Variants in DDI2 observed in about 807,000 individuals in gnomAD.
The protein encoded by DDI2 is DDI proteasomal shuttling factor 2.
DDI2 carries 5 observed loss-of-function variants against 48.1 expected under a neutral mutation model. The ratio of observed to expected loss-of-function variants is 0.10; its 90% CI spans 0.05 to 0.22. DDI2 has a LOEUF of 0.22. DDI2 is among the 10% of genes least tolerant of loss of function. The probability of loss-of-function intolerance (pLI) is 1.00; values close to 1 mark genes in which losing one functional copy is unlikely to be tolerated. For synonymous variants in DDI2, 205 were observed against 183.6 expected (o/e 1.12, Z -0.94); for missense variants, 285 against 506.2 (o/e 0.56, Z 4.19).
intron 1 of DDI2, among the ~76,000 whole-genome samples, chr1:15,622,088 A>G (rs1639675047): frequency 6.6e-6 from 1 of 151,676 alleles, no homozygotes; most frequent in Non-Finnish European, 1.5e-5. Flanking sequence ...TATTCTTTAT[A>G]TTTTAGAGAT....
intron 6 of DDI2, among the ~76,000 whole-genome samples, chr1:15,645,485 A>C (rs72647134): frequency 8.5e-4 from 130 of 152,058 alleles, no homozygotes; most frequent in African/African-American, 2.9e-3. Flanking sequence ...TTGTCTTCCA[A>C]CCTTTGTGTT....
At chr1:15,657,325 T>C (rs1396743558) in intron 9 of DDI2, among the ~76,000 whole-genome samples, 2 of 152,258 alleles carry the variant, frequency 1.3e-5, no homozygotes, top group Non-Finnish European at 2.9e-5. Context: ...GATGGTCTTT[T>C]AAACCAGCAT....
At chr1:15,655,112 A>G (rs1438391243) in intron 8 of DDI2, among the ~76,000 whole-genome samples, 3 of 152,188 alleles carry the variant, frequency 2.0e-5, no homozygotes, top group East Asian at 3.9e-4. Flanking sequence ...TTCCAGGCTT[A>G]GTGAAGGGGA....
Position 15,661,642 on chromosome 1 carries a change from G to A in DDI2, c.*1852G>A. ...TGGCTTTACTTTGCAGGAAGCTCTT[G>A]GAGCTTTGCATCGAGTTGGTGGGAA... On this transcript the variant is annotated 3_prime_UTR_variant, in exon 10 of 10. Coordinates refer to ENST00000480945, the MANE Select transcript of DDI2 (RefSeq NM_032341.5). 6.2e-7 allele frequency: 1 copy of A among 1,614,108 alleles called. No individual in the cohort carries two copies. Among genetic ancestry groups the A allele is most frequent in the Non-Finnish European group, 8.5e-7 (1 of 1,180,038 alleles).
At chr1:15,657,524 C>CGTTTA (rs763309507) in intron 9 of DDI2, among the ~76,000 whole-genome samples, 1 of 152,296 alleles carries the variant, frequency 6.6e-6, no homozygotes, top group Non-Finnish European at 1.5e-5. Context: ...TCCTCCCCTA[C>CGTTTA]GTTTAGGACT....
intron 8 of DDI2, 117 bp downstream of exon 8, chr1:15,652,012 T>A: frequency 2.1e-6 from 2 of 964,972 alleles, no homozygotes; most frequent in Non-Finnish European, 2.8e-6. Flanking sequence ...GGTCCAGTAG[T>A]AGATGTGTTC....
chr1:15,620,075 A>G (rs1182253335), intron 1 of DDI2, among the ~76,000 whole-genome samples: 1 of 152,186 alleles, frequency 6.6e-6, no homozygotes, highest in Non-Finnish European at 1.5e-5. Flanking sequence ...AATTGAACAT[A>G]GGCTAACTCC....
At position 15,626,814 on chromosome 1, in the gene DDI2, G is replaced by A. The variant is rs1639762623; in HGVS notation, c.268+16G>A. On this transcript the variant is annotated intron_variant, in intron 2 of 9. Transcript: ENST00000480945. ...CAGTTCCCAAGTAAGACATCTGGTG[G>A]TTGAGCATCCCCCAGCAGAACCATC... 1 of 1,614,064 alleles carries A rather than the reference G, an allele frequency of 6.2e-7. No homozygotes were observed. Among genetic ancestry groups the A allele is most frequent in the East Asian group, 2.2e-5 (1 of 44,886 alleles).
chr1:15,638,530 CTTTTTTTT>C (rs775059343), intron 5 of DDI2, 96 bp downstream of exon 5: 15 of 573,196 alleles, frequency 2.6e-5, no homozygotes, highest in African/African-American at 1.4e-4. Context: ...GATGGCTGTA[CTTTTTTTT>C]TTTTTTTTTT....
At chr1:15,625,406 A>G (rs139875520) in intron 1 of DDI2, among the ~76,000 whole-genome samples, 1 of 148,526 alleles carries the variant, frequency 6.7e-6, no homozygotes, top group East Asian at 1.9e-4. Context: ...TGGAGTATGT[A>G]ATAATGCAGG....
In DDI2 at chr1:15,659,969, C is replaced by G. The variant is rs1284622765; in HGVS notation, c.*179C>G. On this transcript the variant is annotated 3_prime_UTR_variant, in exon 10 of 10. Coordinates refer to ENST00000480945, the MANE Select transcript of DDI2 (RefSeq NM_032341.5). ...CCTATGAGTCTTGCTCGCTCTGTCT[C>G]TGCTTCAGTCTGCCCTATCAAGCCC... 1 of 1,614,214 alleles carries G rather than the reference C, an allele frequency of 6.2e-7. No homozygotes were observed. Among genetic ancestry groups the G allele is most frequent in the Admixed American group, 1.7e-5 (1 of 60,018 alleles).
At chr1:15,623,877 G>A (rs894434532) in intron 1 of DDI2, among the ~76,000 whole-genome samples, 1 of 152,000 alleles carries the variant, frequency 6.6e-6, no homozygotes, top group African/African-American at 2.4e-5. Flanking sequence ...TGGCTAACAT[G>A]GTGAAACCCC....
intron 6 of DDI2, among the ~76,000 whole-genome samples, chr1:15,647,206 G>A (rs1296867583): frequency 6.6e-6 from 1 of 151,060 alleles, no homozygotes; most frequent in Non-Finnish European, 1.5e-5. Flanking sequence ...GGAGTGCGGT[G>A]GCGTAATCTT....
At position 15,661,624 on chromosome 1, in the gene DDI2, A is replaced by G; in HGVS notation, c.*1834A>G. The G allele has an allele frequency of 1.2e-6, 2 of 1,614,096 alleles. No homozygotes were observed. The highest frequency in any genetic ancestry group is 2.2e-5 in the East Asian group (1 of 44,886). ...TGACCGCATTCTCCGTGCTGGCTTT[A>G]CTTTGCAGGAAGCTCTTGGAGCTTT... On this transcript the variant is annotated 3_prime_UTR_variant, in exon 10 of 10. Coordinates refer to ENST00000480945, the MANE Select transcript of DDI2 (RefSeq NM_032341.5).
Position 15,667,432 on chromosome 1 carries a change from AGT to A in DDI2, c.*7646_*7647del, listed in dbSNP as rs1450713275. The A allele has an allele frequency of 6.6e-6, 1 of 152,170 alleles. No individual in the cohort carries two copies. Among genetic ancestry groups the A allele is most frequent in the Non-Finnish European group, 1.5e-5 (1 of 68,026 alleles). The allele number at this position is 152,170 out of a possible 1,614,324, so 9.4% of individuals were successfully genotyped here. On this transcript the variant is annotated 3_prime_UTR_variant, in exon 10 of 10. Coordinates refer to ENST00000480945, the MANE Select transcript of DDI2 (RefSeq NM_032341.5). The stretch of plus-strand genomic sequence containing the variant: ...CCTCACATGCAGGGTAGAAACATGG[AGT>A]GTGCGGCAGCATCCTCCTCACATCC...
At chr1:15,644,578 G>GTTTTTTTTTTTTTTTTTTTTTTTTTTT (rs1170290224) in intron 6 of DDI2, among the ~76,000 whole-genome samples, 1 of 110,144 alleles carries the variant, frequency 9.1e-6, no homozygotes. Context: ...TTTCTTTTCA[G>GTTTTTTTTTTTTTTTTTTTTTTTTTTT]TTTTTTTTGT....
At position 15,639,162 on chromosome 1, in the gene DDI2, T is replaced by G. The variant is rs80023540; in HGVS notation, c.760+728T>G. Among the ~76,000 whole-genome samples the G allele has an allele frequency of 8.7e-3, 1,321 of 152,026 alleles. 17 individuals are homozygous for G. The highest frequency in any genetic ancestry group is 0.03 in the African/African-American group (1,263 of 41,456). On this transcript the variant is annotated intron_variant, in intron 5 of 9. Transcript: ENST00000480945. ...TAACAACCAAGTAAGGAGACAGGGATTCTTCTGCTTGAGGGTTCAGTTAAT... is the reference window on the plus strand; with the variant it reads ...TAACAACCAAGTAAGGAGACAGGGAGTCTTCTGCTTGAGGGTTCAGTTAAT...
At chr1:15,621,403 G>T (rs566923628) in intron 1 of DDI2, among the ~76,000 whole-genome samples, 5 of 152,072 alleles carry the variant, frequency 3.3e-5, no homozygotes, top group Admixed American at 1.3e-4. Context: ...CTGTGTGTTT[G>T]TTTTTTTGAG....
intron 6 of DDI2, among the ~76,000 whole-genome samples, chr1:15,649,183 G>A (rs1046628974): frequency 4.6e-5 from 7 of 152,026 alleles, no homozygotes; most frequent in Admixed American, 3.9e-4. Context: ...GGCTAACATG[G>A]TGAAACCCTG....
Sources: gnomAD v4.1 joint callset for allele counts (sites outside exome capture counted in the v4.1 genomes callset) on GRCh38, gnomAD v4.1.1 for gene constraint, MANE v1.5 for transcripts, NCBI Gene and HGNC (gene_info 2026-07-23, HGNC 2026-07-21) for gene names.